The following CD96 variants were observed in gnomAD, a reference collection of about 807,000 sequenced individuals.
CD96 encodes T-cell surface protein tactile.
In CD96, 70 loss-of-function variants were observed where a neutral mutation model predicts 71.3. The ratio of observed to expected loss-of-function variants is 0.98; its 90% CI spans 0.81 to 1.20. The LOEUF is 1.20. CD96 is among the 50% of genes most tolerant of loss of function. CD96 has a pLI of 0.00. For missense variants in CD96, 742 were observed against 677.5 expected, an observed-to-expected ratio of 1.10 and a Z score of -1.06; for synonymous variants, 248 against 233.0, an observed-to-expected ratio of 1.06 and a Z score of -0.59.
chr3:111,601,613 C>G (rs183756969), intron 7 of CD96, among the ~76,000 whole-genome samples: 1 of 152,184 alleles, frequency 6.6e-6, no homozygotes, highest in East Asian at 1.9e-4. Context: ...AAAATAGAAG[C>G]AATGGCAACT....
chr3:111,573,470 G>C (rs893802125), intron 3 of CD96, among the ~76,000 whole-genome samples: 5 of 152,154 alleles, frequency 3.3e-5, no homozygotes, highest in Non-Finnish European at 7.3e-5. Context: ...GGTTATATCT[G>C]AGCTGGATAA....
At position 111,650,065 on chromosome 3, in the gene CD96, A is replaced by G. The variant is rs1940009995; in HGVS notation, c.*259A>G. 6.3e-6 allele frequency: 3 copies of G among 473,916 alleles called. No individual in the cohort carries two copies. Among genetic ancestry groups the G allele is most frequent in the Non-Finnish European group, 1.2e-5 (3 of 257,310 alleles). 29.4% of individuals were successfully genotyped at this position (473,916 alleles called of 1,614,324 possible). A position where few individuals can be genotyped will look rare whatever the true frequency, so the allele number is the denominator to read the frequency against. On this transcript the variant is annotated 3_prime_UTR_variant, in exon 14 of 14. Transcript: ENST00000352690. ...GTTTTCTTGCTTATGTAAGAAGTAC[A>G]TATTAGTCTGCCATCTTTAAAAAAA...
rs1052453391 is a variant in CD96, at chr3:111,587,690, C to A, written c.807+2312C>A. 1.3e-4 allele frequency among the ~76,000 whole-genome samples: 20 copies of A among 152,216 alleles called. 1 individual carries two copies. Among genetic ancestry groups the A allele is most frequent in the Admixed American group, 1.3e-3 (20 of 15,290 alleles). On this transcript the variant is annotated intron_variant, in intron 5 of 13. Transcript: ENST00000352690. ...GCAAACTTTTGCCTGGGCATCCAGG[C>A]ATTCCCATACATCTTCTGAAATGTA... is the stretch of plus-strand genomic sequence containing the variant.
At chr3:111,578,702 A>G (rs1936331542) in intron 3 of CD96, among the ~76,000 whole-genome samples, 1 of 152,204 alleles carries the variant, frequency 6.6e-6, no homozygotes, top group Admixed American at 6.5e-5. Context: ...AACTTCTTAA[A>G]TAAAAATTAA....
chr3:111,633,181 A>T (rs1453452450), intron 10 of CD96, among the ~76,000 whole-genome samples: 1 of 152,074 alleles, frequency 6.6e-6, no homozygotes, highest in Admixed American at 6.5e-5. Context: ...TTTGTCTCAG[A>T]TTAAAAAAAA....
intron 4 of CD96, among the ~76,000 whole-genome samples, chr3:111,584,117 A>G (rs991625206): frequency 1.3e-5 from 2 of 152,130 alleles, no homozygotes; most frequent in Admixed American, 1.3e-4. Context: ...CCTGCCAGAC[A>G]CCCTAAATCA....
intron 14 of CD96, among the ~76,000 whole-genome samples, chr3:111,661,208 C>A (rs1940346205): frequency 6.6e-6 from 1 of 152,198 alleles, no homozygotes; most frequent in African/African-American, 2.4e-5. Context: ...AACTCACTCA[C>A]TGTCCTGGGA....
At chr3:111,565,266 C>G (rs746738170) in intron 2 of CD96, among the ~76,000 whole-genome samples, 9 of 152,036 alleles carry the variant, frequency 5.9e-5, no homozygotes, top group Non-Finnish European at 1.3e-4. Context: ...TTTTTCCCCA[C>G]CAATTAAGAG....
At chr3:111,564,653 A>G (rs1935619123) in intron 2 of CD96, among the ~76,000 whole-genome samples, 1 of 152,100 alleles carries the variant, frequency 6.6e-6, no homozygotes, top group Admixed American at 6.5e-5. Flanking sequence ...TCTTGATAAT[A>G]TGCTCTCATT....
At chr3:111,626,656 T>G (rs1032519865) in intron 10 of CD96, among the ~76,000 whole-genome samples, 32 of 152,196 alleles carry the variant, frequency 2.1e-4, no homozygotes, top group Non-Finnish European at 5.9e-5. Context: ...ACTGTTCATA[T>G]AGCAAAAACT....
At chr3:111,571,194 T>C in intron 3 of CD96, 2 of 518,390 alleles carry the variant, frequency 3.9e-6, no homozygotes, top group South Asian at 6.2e-5. Flanking sequence ...AGAGTTTTTT[T>C]GTTTTGTTTT....
intron 8 of CD96, 125 bp downstream of exon 8, chr3:111,606,917 T>C: frequency 4.2e-6 from 3 of 721,334 alleles, no homozygotes; most frequent in Non-Finnish European, 7.6e-6. Context: ...GAAATTGGGT[T>C]TTATTTTTTA....
intron 5 of CD96, chr3:111,593,742 T>A (rs754877087): frequency 6.2e-7 from 1 of 1,614,234 alleles, no homozygotes; most frequent in East Asian, 2.2e-5. Context: ...TCCCTTTGGC[T>A]GGCCCACAAA....
intron 10 of CD96, among the ~76,000 whole-genome samples, chr3:111,636,718 T>C (rs1255632076): frequency 1.3e-5 from 2 of 152,214 alleles, no homozygotes; most frequent in Admixed American, 1.3e-4. Context: ...ACTGCTGACA[T>C]GTTTTGTTTT....
intron 2 of CD96, among the ~76,000 whole-genome samples, chr3:111,548,130 A>G (rs1934508608): frequency 6.6e-6 from 1 of 152,226 alleles, no homozygotes; most frequent in Admixed American, 6.5e-5. Context: ...GCAAACACTT[A>G]TATAGTACAT....
intron 5 of CD96, among the ~76,000 whole-genome samples, chr3:111,595,804 G>T (rs1367126101): frequency 6.6e-6 from 1 of 151,862 alleles, no homozygotes; most frequent in African/African-American, 2.4e-5. Context: ...GAGGAGATAG[G>T]AAGACTCTAA....
downstream of CD96, among the ~76,000 whole-genome samples, chr3:111,654,736 C>T (rs1940187721): frequency 6.6e-6 from 1 of 152,216 alleles, no homozygotes; most frequent in Non-Finnish European, 1.5e-5. Context: ...GTGAATGCCA[C>T]AAACTTATGC....
chr3:111,657,289 G>A (rs1240731921), downstream of CD96, among the ~76,000 whole-genome samples: 1 of 152,002 alleles, frequency 6.6e-6, no homozygotes, highest in Non-Finnish European at 1.5e-5. Flanking sequence ...ATGGTGGCAT[G>A]TGCCTGTAGT....
chr3:111,591,237 G>T (rs557969557), intron 5 of CD96, among the ~76,000 whole-genome samples: 1 of 152,152 alleles, frequency 6.6e-6, no homozygotes, highest in Admixed American at 6.5e-5. Flanking sequence ...GCTGGGCGTG[G>T]TGGCACGCAC....
Sources: allele counts gnomAD v4.1 joint callset (sites outside exome capture counted in the v4.1 genomes callset), GRCh38; gene constraint gnomAD v4.1.1; transcripts MANE v1.5; gene names NCBI Gene and HGNC (gene_info 2026-07-23, HGNC 2026-07-21).